Variants in CYP11A1 observed in about 807,000 individuals in gnomAD.
CYP11A1 encodes the protein cholesterol side-chain cleavage enzyme, mitochondrial.
A neutral mutation model predicts 51.9 loss-of-function variants in CYP11A1; 25 were observed. That is an observed-to-expected ratio of 0.48 (90% CI 0.35 to 0.67). The LOEUF (loss-of-function observed/expected upper bound fraction) is 0.67. Ranked by LOEUF, CYP11A1 falls within the 30% of genes least tolerant of loss-of-function variation. The pLI, the probability that CYP11A1 is intolerant of heterozygous loss-of-function variation, is 0.00. For missense variants in CYP11A1, 578 were observed against 680.9 expected (o/e 0.85, Z 1.68); for synonymous variants, 245 against 262.1 (o/e 0.93, Z 0.63).
chr15:74,338,103 T>C lies in CYP11A1; in HGVS notation c.1435A>G (p.Met479Val). 1 of 1,614,148 alleles carries C rather than the reference T, an allele frequency of 6.2e-7. No individual in the cohort carries two copies. The highest frequency in any genetic ancestry group is 1.3e-5 in the African/African-American group (1 of 75,034). Residue 479 changes from methionine (M) to valine (V), a missense_variant and splice_region_variant, in exon 9 of 9, where the codon ATG becomes GTG. Met to Val is a conservative substitution (Grantham distance 21, BLOSUM62 1). Transcript: ENST00000268053. The stretch of plus-strand genomic sequence containing the variant: ...ATTTCAACTCTGAAGTTCTCCAGCA[T>C]CTGAGAAAGGCAGATGGTAGGTTTA... Reference protein sequence around the residue: ...ELEMTIFLINMLENFRVEIQH... With the variant: ...ELEMTIFLINVLENFRVEIQH...
chr15:74,362,090 G>C, intron 1 of CYP11A1: 2 of 1,270,888 alleles, frequency 1.6e-6, no homozygotes, highest in Non-Finnish European at 2.2e-6. Context: ...CATTCCTTCT[G>C]TAGCTCAGGA....
intron 7 of CYP11A1, 101 bp from the exon 8 acceptor site, chr15:74,338,869 A>C: frequency 9.4e-7 from 1 of 1,064,198 alleles, no homozygotes; most frequent in Non-Finnish European, 1.4e-6. Context: ...CACCACTCCC[A>C]CTCCCCAGCA....
chr15:74,339,149 G>A (rs994918944), intron 7 of CYP11A1, 88 bp downstream of exon 7: 1 of 1,141,322 alleles, frequency 8.8e-7, no homozygotes, highest in Non-Finnish European at 1.3e-6. Flanking sequence ...GGCCCCACCA[G>A]GGCCCCAGTG....
rs2060585843 is a variant in CYP11A1 at position 74,337,856 on chromosome 15, C to T, written c.*116G>A. 7.0e-7 allele frequency: 1 copy of T among 1,430,822 alleles called. No individual in the cohort carries two copies. 88.6% of individuals were successfully genotyped at this position (1,430,822 alleles called of 1,614,324 possible). A position where few individuals can be genotyped will look rare whatever the true frequency, so the allele number is the denominator to read the frequency against. ...GACCACTGAGAACCCATTCAACCTGCTGAGCAGGCTGGGCAGAAAGGAGCA... is the reference window on the plus strand; with the variant it reads ...GACCACTGAGAACCCATTCAACCTGTTGAGCAGGCTGGGCAGAAAGGAGCA... On this transcript the variant is annotated 3_prime_UTR_variant, in exon 9 of 9. Coordinates refer to ENST00000268053, the MANE Select transcript of CYP11A1 (RefSeq NM_000781.3).
chr15:74,338,612 G>A lies in CYP11A1; in HGVS notation c.1393C>T (p.Arg465Trp), dbSNP rs141235847. ...GTCATCTCTAGCTCAGCGATCCGCCGTCCCAGACACTGCCGCACACCCCAG... is the reference window on the plus strand; with the variant it reads ...GTCATCTCTAGCTCAGCGATCCGCCATCCCAGACACTGCCGCACACCCCAG... ...FGWGVRQCLGRRIAELEMTIF... is the reference protein window; with the variant it reads ...FGWGVRQCLGWRIAELEMTIF... The change falls in exon 8 of 9, where the codon CGG (arginine) becomes TGG (tryptophan). Residue 465 changes from arginine (R) to tryptophan (W), a missense_variant. By Grantham distance (101) the Arg-to-Trp change is moderately radical (BLOSUM62 -3). Coordinates refer to ENST00000268053, the MANE Select transcript of CYP11A1 (RefSeq NM_000781.3). The A allele has an allele frequency of 1.7e-5, 28 of 1,614,004 alleles. No individual in the cohort carries two copies. Among genetic ancestry groups the A allele is most frequent in the Non-Finnish European group, 2.0e-5 (24 of 1,180,026 alleles).
At position 74,338,040 on chromosome 15, in the gene CYP11A1, T is replaced by G; in HGVS notation, c.1498A>C (p.Ile500Leu). ...GAGATGGGCTTTTCAGGCATCAGAA[T>G]GAGGTTGAATGTGGTGCCCACATCG... ...LSDVGTTFNL[I>L]LMPEKPISFT... The change falls in exon 9 of 9, where the codon ATT (isoleucine) becomes CTT (leucine). Residue 500 changes from isoleucine (I) to leucine (L), a missense_variant. Ile to Leu is a conservative substitution (Grantham distance 5, BLOSUM62 2). Coordinates refer to ENST00000268053, the MANE Select transcript of CYP11A1 (RefSeq NM_000781.3). 6.2e-7 allele frequency: 1 copy of G among 1,614,044 alleles called. No individual in the cohort carries two copies. The highest frequency in any genetic ancestry group is 8.5e-7 in the Non-Finnish European group (1 of 1,179,948).
At chr15:74,366,278 T>C (rs992004600) in intron 1 of CYP11A1, 1 of 137,188 alleles carries the variant, frequency 7.3e-6, no homozygotes, top group Non-Finnish European at 1.2e-5. Flanking sequence ...CCTCCCCCGA[T>C]TTTTTTTTTT....
Position 74,345,269 on chromosome 15 carries a change from C to G in CYP11A1, c.426-26G>C, listed in dbSNP as rs370155933. The G allele has an allele frequency of 2.5e-5, 41 of 1,613,648 alleles. No individual in the cohort carries two copies. In the African/African-American group the frequency reaches 3.7e-4, roughly 15 times the overall value. On this transcript the variant is annotated intron_variant, in intron 2 of 8. Transcript: ENST00000268053. This position sits in a 1 kb window ranked among gnomAD's most constrained non-coding sequence, Gnocchi z 4.3. ...CTGAGAAAACATGGGCCCACAAGCC[C>G]TCATGGTCACAGACCCCAGGCCTGG...
chr15:74,360,746 A>C (rs888614128), intron 1 of CYP11A1, among the ~76,000 whole-genome samples: 2 of 152,038 alleles, frequency 1.3e-5, no homozygotes, highest in African/African-American at 4.8e-5. Context: ...TCTAGTAAAA[A>C]TACAAAATTA....
intron 1 of CYP11A1, chr15:74,365,997 C>T: frequency 4.1e-6 from 4 of 986,326 alleles, no homozygotes; most frequent in Non-Finnish European, 4.8e-6. Flanking sequence ...GCCGCCGCCG[C>T]CTCCGCGGGG....
At chr15:74,357,309 C>A (rs1294608028) in intron 1 of CYP11A1, among the ~76,000 whole-genome samples, 1 of 152,192 alleles carries the variant, frequency 6.6e-6, no homozygotes, top group East Asian at 1.9e-4. Flanking sequence ...CACGGACAGG[C>A]CCCATTACTT....
At position 74,339,598 on chromosome 15, in the gene CYP11A1, C is replaced by A. The variant is rs143743827; in HGVS notation, c.1146G>T (p.Lys382Asn). 1 of 1,614,126 alleles carries A rather than the reference C, an allele frequency of 6.2e-7. No homozygotes were observed. Among genetic ancestry groups the A allele is most frequent in the Non-Finnish European group, 8.5e-7 (1 of 1,179,978 alleles). The change falls in exon 6 of 9, where the codon AAG becomes AAT. Residue 382 changes from lysine (K) to asparagine (N), a missense_variant. Physicochemically the swap from Lys to Asn is moderately conservative, Grantham distance 94. Coordinates refer to ENST00000268053, the MANE Select transcript of CYP11A1 (RefSeq NM_000781.3). ...QLVPLLKASI[K>N]ETLRLHPISV... ...GGTTGTGGGCTTGCCTTAGTGTCTC[C>A]TTGATGCTGGCTTTGAGGAGGGGGA...
intron 1 of CYP11A1, chr15:74,361,469 A>T (rs780594146): frequency 6.4e-5 from 28 of 440,340 alleles, no homozygotes; most frequent in Non-Finnish European, 1.1e-4. Context: ...TAAACCAGCT[A>T]ATACTGAAAT....
At chr15:74,343,249 G>T in intron 4 of CYP11A1, 112 bp from the exon 5 acceptor site, 2 of 1,067,680 alleles carry the variant, frequency 1.9e-6, no homozygotes, top group Non-Finnish European at 2.8e-6. Context: ...GGAGCCCTGT[G>T]CTTCTTAGGC....
intron 5 of CYP11A1, 68 bp downstream of exon 5, chr15:74,342,909 G>A: frequency 2.0e-6 from 3 of 1,531,552 alleles, no homozygotes; most frequent in Non-Finnish European, 1.8e-6. Context: ...CAGACAACGA[G>A]GGGCCTGGTG....
intron 1 of CYP11A1, chr15:74,359,587 C>T (rs1185331548): frequency 6.6e-6 from 1 of 152,184 alleles, no homozygotes; most frequent in Non-Finnish European, 1.5e-5. Flanking sequence ...ACCTTGTGTC[C>T]CCTGCCCGTG....
chr15:74,367,325 C>A lies in CYP11A1; in HGVS notation c.261G>T (p.Pro87=). 1.2e-6 allele frequency: 2 copies of A among 1,614,180 alleles called. No individual in the cohort carries two copies. The highest frequency in any genetic ancestry group is 1.7e-6 in the Non-Finnish European group (2 of 1,180,040). The change falls in exon 1 of 9, where the codon CCG becomes CCT. Residue 87 remains proline, a synonymous_variant. Transcript: ENST00000268053. ...CCCTCTGCCAGGCTTACCTGTAAAT[C>A]GGGCCATACTTCTGGAAATTCTGGA... ...HHVQNFQKYG[P]IYREKLGNVE...
chr15:74,348,066 G>C lies in CYP11A1; in HGVS notation c.270-11C>G, dbSNP rs763453608. On this transcript the variant is annotated splice_polypyrimidine_tract_variant and intron_variant, in intron 1 of 8. Transcript: ENST00000268053. ...TTGCCGAGCTTCTCCCTGGAGGGGT[G>C]GGGGAGAGGGGCTGATGGAAGGATC... is the stretch of plus-strand genomic sequence containing the variant. The C allele has an allele frequency of 7.0e-5, 113 of 1,613,644 alleles. No homozygotes were observed. The highest frequency in any genetic ancestry group is 9.3e-5 in the Non-Finnish European group (110 of 1,179,892).
chr15:74,346,805 T>C (rs915320490), intron 2 of CYP11A1, among the ~76,000 whole-genome samples: 5 of 149,364 alleles, frequency 3.3e-5, no homozygotes, highest in East Asian at 2.0e-4. Flanking sequence ...CTTTTCTTTT[T>C]TTTTTTTTTT....
Sources: gnomAD v4.1 joint callset for allele counts (sites outside exome capture counted in the v4.1 genomes callset) on GRCh38, gnomAD v4.1.1 for gene constraint, Gnocchi (gnomAD v3.1) non-coding constraint, MANE v1.5 for transcripts, NCBI Gene and HGNC (gene_info 2026-07-23, HGNC 2026-07-21) for gene names.